ASIC2: variants seen among roughly 807,000 people sequenced by gnomAD.
ASIC2 encodes acid sensing ion channel subunit 2, also known as acid-sensing ion channel 2.
ASIC2 carries 25 observed loss-of-function variants against 57.3 expected under a neutral mutation model. The observed-to-expected ratio is 0.44, with a 90% CI of 0.32 to 0.61. The LOEUF (loss-of-function observed/expected upper bound fraction) is 0.61, where lower values mean the gene tolerates loss of function less well. ASIC2 is among the 20% of genes least tolerant of loss of function. ASIC2 has a pLI of 0.06. For missense variants in ASIC2, 641 were observed against 738.1 expected (o/e 0.87, Z 1.52); for synonymous variants, 319 against 307.5 (o/e 1.04, Z -0.39).
intron 1 of ASIC2, among the ~76,000 whole-genome samples, chr17:33,269,775 T>TTCC (rs1904410573): frequency 1.0e-5 from 1 of 96,422 alleles, no homozygotes; most frequent in African/African-American, 4.3e-5. Context: ...TCCTTCCTTC[T>TTCC]TTCCTTTTTC....
chr17:33,245,071 T>G (rs942359523), intron 1 of ASIC2, among the ~76,000 whole-genome samples: 1 of 152,222 alleles, frequency 6.6e-6, no homozygotes, highest in Non-Finnish European at 1.5e-5. Context: ...TATACTAATA[T>G]AGATCATAAC....
chr17:34,005,390 T>C (rs1597970323), intron 1 of ASIC2: 2 of 152,246 alleles, frequency 1.3e-5, no homozygotes, highest in East Asian at 3.9e-4. Context: ...ATTATTTTTA[T>C]AATTTAAAAA....
At chr17:33,232,169 G>C (rs1167301765) in intron 1 of ASIC2, among the ~76,000 whole-genome samples, 1 of 152,094 alleles carries the variant, frequency 6.6e-6, no homozygotes, top group Non-Finnish European at 1.5e-5. Flanking sequence ...TGGAACTATC[G>C]TGATAGGATT....
chr17:33,689,213 C>T (rs1015180388), intron 1 of ASIC2: 6 of 152,176 alleles, frequency 3.9e-5, no homozygotes, highest in Admixed American at 3.9e-4. Flanking sequence ...AGATAATGGA[C>T]TGTAGCCATT....
At chr17:33,421,077 G>T (rs1307772990) in intron 1 of ASIC2, among the ~76,000 whole-genome samples, 2 of 152,080 alleles carry the variant, frequency 1.3e-5, no homozygotes, top group Non-Finnish European at 2.9e-5. Flanking sequence ...GAACAAAAAA[G>T]GTCATGAGGA....
intron 1 of ASIC2, among the ~76,000 whole-genome samples, chr17:33,678,987 C>T (rs1907913250): frequency 6.6e-6 from 1 of 152,098 alleles, no homozygotes; most frequent in Non-Finnish European, 1.5e-5. Context: ...CTGGGCAGCC[C>T]CTCAGCTCTG....
intron 1 of ASIC2, among the ~76,000 whole-genome samples, chr17:33,631,282 G>A (rs1906159290): frequency 6.6e-6 from 1 of 151,152 alleles, no homozygotes; most frequent in Non-Finnish European, 1.5e-5. Flanking sequence ...TTTCGTTTGT[G>A]CTCCCCCTCA....
intron 1 of ASIC2, among the ~76,000 whole-genome samples, chr17:33,546,459 C>T (rs1024725731): frequency 6.6e-6 from 1 of 151,988 alleles, no homozygotes; most frequent in Non-Finnish European, 1.5e-5. Context: ...TGGAGGCACC[C>T]GAGTATGATG....
chr17:33,080,473 A>G (rs2092108751), intron 3 of ASIC2, among the ~76,000 whole-genome samples: 1 of 152,162 alleles, frequency 6.6e-6, no homozygotes, highest in Non-Finnish European at 1.5e-5. Flanking sequence ...CCACGGGGAT[A>G]CGTTCCAAGA....
chr17:33,454,535 C>G (rs1180804999), intron 1 of ASIC2, among the ~76,000 whole-genome samples: 3 of 152,168 alleles, frequency 2.0e-5, no homozygotes, highest in Non-Finnish European at 2.9e-5. Flanking sequence ...TCTAGGTTAT[C>G]TTCTTAACAA....
At chr17:33,197,328 G>A (rs1375577885) in intron 1 of ASIC2, among the ~76,000 whole-genome samples, 2 of 152,146 alleles carry the variant, frequency 1.3e-5, no homozygotes, top group Admixed American at 6.5e-5. Context: ...CTTATTGCAT[G>A]GTACTGGCAA....
At chr17:33,374,241 C>T (rs1909193841) in intron 1 of ASIC2, among the ~76,000 whole-genome samples, 2 of 152,164 alleles carry the variant, frequency 1.3e-5, no homozygotes, top group South Asian at 4.1e-4. Context: ...GGTGATCCCG[C>T]CTGCCTCCAC....
At chr17:34,008,398 C>A (rs1301671647) in intron 1 of ASIC2, among the ~76,000 whole-genome samples, 1 of 152,148 alleles carries the variant, frequency 6.6e-6, no homozygotes, top group Non-Finnish European at 1.5e-5. Flanking sequence ...CAAGATGACA[C>A]CCAGGGGAGG....
At chr17:33,766,015 C>G (rs138719054) in intron 1 of ASIC2, among the ~76,000 whole-genome samples, 355 of 152,250 alleles carry the variant, frequency 2.3e-3, no homozygotes, top group African/African-American at 8.0e-3. Context: ...AGGAGTGGTT[C>G]TTTGTCTTGC....
intron 3 of ASIC2, among the ~76,000 whole-genome samples, chr17:33,036,154 G>A (rs544949791): frequency 6.6e-6 from 1 of 152,304 alleles, no homozygotes; most frequent in East Asian, 1.9e-4. Context: ...CACCATTACT[G>A]AAAACCAAAA....
rs572682421 is a variant in ASIC2, at chr17:33,310,013, A to T, written c.556-197946T>A. 4.6e-5 allele frequency among the ~76,000 whole-genome samples: 7 copies of T among 150,702 alleles called. No homozygotes were observed. The East Asian group carries it at 1.4e-3, about 29-fold the overall frequency. ...AAATGGTTTCAAAGTTGAGTAATAG[A>T]ATAATATTACTACCATGGTATCCTA... On this transcript the variant is annotated intron_variant, in intron 1 of 9. Transcript: ENST00000359872.
intron 1 of ASIC2, among the ~76,000 whole-genome samples, chr17:33,919,015 TG>T (rs1337059401): frequency 6.6e-6 from 1 of 152,034 alleles, no homozygotes. Context: ...GGTGAAGGAT[TG>T]GGGGGTGTGC....
Position 33,557,274 on chromosome 17 carries a change from T to G in ASIC2, c.556-445207A>C, listed in dbSNP as rs376924011. ...AAGTGTAGTCTCAGGTCTATATTACTCTAAAGTCCCTGCCCTTAATCTCAG... is the reference window on the plus strand; with the variant it reads ...AAGTGTAGTCTCAGGTCTATATTACGCTAAAGTCCCTGCCCTTAATCTCAG... On this transcript the variant is annotated intron_variant, in intron 1 of 9. Coordinates refer to the ASIC2 transcript ENST00000359872. 2.0e-5 allele frequency among the ~76,000 whole-genome samples: 3 copies of G among 151,638 alleles called. No individual in the cohort carries two copies. In the East Asian group the frequency reaches 5.9e-4, roughly 30 times the overall value.
At chr17:33,864,439 C>T (rs1435874014) in intron 1 of ASIC2, among the ~76,000 whole-genome samples, 3 of 152,174 alleles carry the variant, frequency 2.0e-5, no homozygotes, top group African/African-American at 7.2e-5. Flanking sequence ...GAAACAGGGG[C>T]CCCGATAGGG....
Sources: allele counts gnomAD v4.1 joint callset (sites outside exome capture counted in the v4.1 genomes callset), GRCh38; gene constraint gnomAD v4.1.1; transcripts MANE v1.5; gene names NCBI Gene and HGNC (gene_info 2026-07-23, HGNC 2026-07-21).